Variants in RGS1 observed in about 807,000 individuals in gnomAD.
RGS1 encodes the protein B-cell activation protein BL34.
In RGS1, 11 loss-of-function variants were observed where a neutral mutation model predicts 22.2. The observed-to-expected ratio is 0.50, with a 90% CI of 0.31 to 0.82. RGS1 has a LOEUF of 0.82. Among genes scored for constraint, RGS1 ranks in the 40% least tolerant of loss-of-function variants. RGS1 has a pLI of 0.04. For synonymous variants in RGS1, 81 were observed against 79.9 expected (o/e 1.01, Z -0.07); for missense variants, 255 against 245.8 (o/e 1.04, Z -0.25).
At position 192,576,011 on chromosome 1, in the gene RGS1, G is replaced by C. The variant is rs149666517; in HGVS notation, c.137+82G>C. 631 of 1,520,790 alleles carry C rather than the reference G, an allele frequency of 4.1e-4. 2 individuals are homozygous for C. The African/African-American group carries it at 7.9e-3, about 19-fold the overall frequency. The allele number at this position is 1,520,790 out of a possible 1,614,324, so 94.2% of individuals were successfully genotyped here. ...AAGGATTGAGAATGAATGGAAGAGA[G>C]TGTGAGCATTTAGTTTAGCCAGATC... On this transcript the variant is annotated intron_variant, in intron 1 of 4. Transcript: ENST00000367459.
chr1:192,576,100 G>T, intron 1 of RGS1, 171 bp downstream of exon 1: 1 of 947,456 alleles, frequency 1.1e-6, no homozygotes, highest in South Asian at 1.8e-5. Context: ...AATAAATCTT[G>T]ATATGGCATT....
chr1:192,579,031 A>C (rs1339722282), intron 4 of RGS1, 106 bp from the exon 5 acceptor site: 1 of 1,054,266 alleles, frequency 9.5e-7, no homozygotes, highest in Non-Finnish European at 1.4e-6. Context: ...GAATTGATTT[A>C]AATGAGGCCT....
chr1:192,578,437 A>C, intron 4 of RGS1, 52 bp downstream of exon 4: 1 of 1,584,242 alleles, frequency 6.3e-7, no homozygotes, highest in Non-Finnish European at 8.6e-7. Flanking sequence ...CCCTATATGC[A>C]GAAATAACAT....
chr1:192,578,171 T>C (rs1376793336), intron 3 of RGS1, 51 bp from the exon 4 acceptor site: 1 of 1,551,470 alleles, frequency 6.4e-7, no homozygotes, highest in Admixed American at 2.1e-5. Flanking sequence ...TATTCATTTG[T>C]TGGTTCATTT....
rs539218157 is a variant in RGS1, at chr1:192,579,340, G to A, written c.*18G>A. 4 of 1,608,774 alleles carry A rather than the reference G, an allele frequency of 2.5e-6. No homozygotes were observed. The South Asian group carries it at 3.3e-5, about 13-fold the overall frequency. Reference sequence around the variant, plus strand: ...TAAAGTGACTGGTCCCTGGCTGAAGGGAATTAACAGATAGTATCAAGCGCA... The same window carrying A: ...TAAAGTGACTGGTCCCTGGCTGAAGAGAATTAACAGATAGTATCAAGCGCA... On this transcript the variant is annotated 3_prime_UTR_variant, in exon 5 of 5. Coordinates refer to ENST00000367459, the MANE Select transcript of RGS1 (RefSeq NM_002922.4).
intron 1 of RGS1, 86 bp downstream of exon 1, chr1:192,576,015 G>C: frequency 6.6e-7 from 1 of 1,506,592 alleles, no homozygotes; most frequent in Admixed American, 1.8e-5. Context: ...AAGAGAGTGT[G>C]AGCATTTAGT....
In RGS1 at chr1:192,576,005, AAG is replaced by A; in HGVS notation, c.137+81_137+82del. ...TGGCAGAAGGATTGAGAATGAATGG[AAG>A]AGAGTGTGAGCATTTAGTTTAGCCA... On this transcript the variant is annotated intron_variant, in intron 1 of 4. Transcript: ENST00000367459. 6 of 1,545,792 alleles carry A rather than the reference AAG, an allele frequency of 3.9e-6. No individual in the cohort carries two copies. The South Asian group carries it at 5.8e-5, about 15-fold the overall frequency.
chr1:192,576,172 G>C, intron 1 of RGS1, 113 bp from the exon 2 acceptor site: 1 of 974,476 alleles, frequency 1.0e-6, no homozygotes, highest in Non-Finnish European at 1.5e-6. Context: ...GCAAAATGTT[G>C]TATCAACCAT....
intron 3 of RGS1, 189 bp downstream of exon 3, chr1:192,577,024 C>T: frequency 4.7e-6 from 2 of 423,974 alleles, no homozygotes. Context: ...TCTGCCAACT[C>T]CTTTTAGACA....
intron 4 of RGS1, 150 bp from the exon 5 acceptor site, chr1:192,578,987 G>C: frequency 1.4e-6 from 1 of 706,270 alleles, no homozygotes. Flanking sequence ...ACCTAGTATA[G>C]AGCTGATTTT....
rs1050150224 is a variant in RGS1, at chr1:192,579,134, T to G, written c.445-3T>G. The G allele has an allele frequency of 6.2e-7, 1 of 1,601,196 alleles. No individual in the cohort carries two copies. The highest frequency in any genetic ancestry group is 1.4e-5 in the African/African-American group (1 of 73,768). ...TATTAGCTAACAAGGTTTTCTTTTTTAGATCAATATTGACTTCCGCACTCG... is the reference window on the plus strand; with the variant it reads ...TATTAGCTAACAAGGTTTTCTTTTTGAGATCAATATTGACTTCCGCACTCG... On this transcript the variant is annotated splice_polypyrimidine_tract_variant and splice_region_variant and intron_variant, in intron 4 of 4. Coordinates refer to ENST00000367459, the MANE Select transcript of RGS1 (RefSeq NM_002922.4).
In RGS1 at chr1:192,578,372, A is replaced by G; in HGVS notation, c.431A>G (p.Asp144Gly). 6.2e-7 allele frequency: 1 copy of G among 1,612,708 alleles called. No homozygotes were observed. Among genetic ancestry groups the G allele is most frequent in the East Asian group, 2.2e-5 (1 of 44,834 alleles). ...ATATATAAAGCATTTGTGCATTCAGATGCTGCTAAACAAGTGAGTATTAAG... is the reference window on the plus strand; with the variant it reads ...ATATATAAAGCATTTGTGCATTCAGGTGCTGCTAAACAAGTGAGTATTAAG... ...EEIYKAFVHS[D>G]AAKQINIDFR... The change falls in exon 4 of 5, where the codon GAT (aspartate) becomes GGT (glycine). Residue 144 changes from aspartate to glycine, a missense_variant. Asp to Gly is a moderately conservative substitution (Grantham distance 94). Coordinates refer to ENST00000367459, the MANE Select transcript of RGS1 (RefSeq NM_002922.4).
At chr1:192,578,727 A>G in intron 4 of RGS1, 1 of 420,582 alleles carries the variant, frequency 2.4e-6, no homozygotes, top group Non-Finnish European at 4.2e-6. Context: ...TAATGTATAC[A>G]ATTGCAGCAG....
Position 192,579,553 on chromosome 1 carries a change from T to C in RGS1, c.*231T>C, listed in dbSNP as rs1022540976. ...GGAGGAAGATACTGTGGTACTGTCA[T>C]AAAAAACAGTGGAGCTCTGTATTAG... is the stretch of plus-strand genomic sequence containing the variant. On this transcript the variant is annotated 3_prime_UTR_variant, in exon 5 of 5. Transcript: ENST00000367459. 4.8e-5 allele frequency: 21 copies of C among 438,354 alleles called. No homozygotes were observed. The highest frequency in any genetic ancestry group is 1.1e-3 in the Middle Eastern group (2 of 1,740). The allele number at this position is 438,354 out of a possible 1,614,324, so 27.2% of individuals were successfully genotyped here. A position where few individuals can be genotyped will look rare whatever the true frequency, so the allele number is the denominator to read the frequency against.
intron 3 of RGS1, 136 bp from the exon 4 acceptor site, chr1:192,578,086 T>C (rs1038172746): frequency 3.9e-6 from 4 of 1,016,100 alleles, no homozygotes; most frequent in Non-Finnish European, 5.7e-6. Flanking sequence ...ACACAGCTAT[T>C]TCAGCAGTAG....
intron 4 of RGS1, chr1:192,578,813 T>C (rs1662110272): frequency 2.8e-6 from 1 of 358,420 alleles, no homozygotes; most frequent in African/African-American, 2.1e-5. Flanking sequence ...AAAAAGAGCC[T>C]TCTTCTCCTG....
intron 3 of RGS1, 21 bp from the exon 4 acceptor site, chr1:192,578,201 C>G (rs773999939): frequency 6.3e-7 from 1 of 1,591,410 alleles, no homozygotes; most frequent in East Asian, 2.2e-5. Context: ...ATCTCCCCAC[C>G]CACCCCTCGT....
chr1:192,576,941 A>G (rs1390487238), intron 3 of RGS1, 106 bp downstream of exon 3: 15 of 967,322 alleles, frequency 1.6e-5, no homozygotes, highest in Non-Finnish European at 2.3e-5. Flanking sequence ...AAAAGGTTGT[A>G]TTCTAGTTTG....
rs770535912 is a variant in RGS1 at position 192,579,123 on chromosome 1, G to T, written c.445-14G>T. ...AGAAAAGTATATATTAGCTAACAAG[G>T]TTTTCTTTTTTAGATCAATATTGAC... On this transcript the variant is annotated splice_polypyrimidine_tract_variant and intron_variant, in intron 4 of 4. Transcript: ENST00000367459. 52 of 1,599,088 alleles carry T rather than the reference G, an allele frequency of 3.3e-5. No homozygotes were observed. The highest frequency in any genetic ancestry group is 3.3e-4 in the Middle Eastern group (2 of 5,986).
Sources: allele counts gnomAD v4.1 joint callset, GRCh38; gene constraint gnomAD v4.1.1; transcripts MANE v1.5; gene names NCBI Gene and HGNC (gene_info 2026-07-23, HGNC 2026-07-21).